The following SMARCC2 variants were observed in gnomAD, a reference collection of about 807,000 sequenced individuals.
The protein encoded by SMARCC2 is SWI/SNF related BAF chromatin remodeling complex subunit C2.
A neutral mutation model predicts 151.3 loss-of-function variants in SMARCC2; 15 were observed. The observed-to-expected ratio is 0.10, with a 90% CI of 0.07 to 0.15. SMARCC2 has a LOEUF of 0.15. SMARCC2 is among the 10% of genes least tolerant of loss of function. The probability of loss-of-function intolerance (pLI) is 1.00; values close to 1 mark genes in which losing one functional copy is unlikely to be tolerated. For synonymous variants in SMARCC2, 590 were observed against 609.5 expected (o/e 0.97, Z 0.47); for missense variants, 1,031 against 1,599.7 (o/e 0.64, Z 6.06).
At chr12:56,186,108 G>C (rs1338003090) in intron 3 of SMARCC2, 47 bp downstream of exon 3, 1 of 1,296,942 alleles carries the variant, frequency 7.7e-7, no homozygotes, top group Non-Finnish European at 1.1e-6. Context: ...CAAAAAGGGG[G>C]ATTTCCTCTA....
intron 15 of SMARCC2, among the ~76,000 whole-genome samples, chr12:56,177,190 C>T (rs897786568): frequency 2.6e-5 from 4 of 151,976 alleles, no homozygotes; most frequent in Admixed American, 1.3e-4. Context: ...GTGATCCGCC[C>T]GCCTCGGCCT....
At position 56,162,394 on chromosome 12, in the gene SMARCC2, A is replaced by G. The variant is rs1041868706; in HGVS notation, c.*1295T>C. 42 of 647,908 alleles carry G rather than the reference A, an allele frequency of 6.5e-5. No homozygotes were observed. The highest frequency in any genetic ancestry group is 2.6e-4 in the Middle Eastern group (1 of 3,788). 40.1% of individuals were successfully genotyped at this position (647,908 alleles called of 1,614,324 possible). On this transcript the variant is annotated 3_prime_UTR_variant, in exon 29 of 29. Coordinates refer to ENST00000550164, the MANE Select transcript of SMARCC2 (RefSeq NM_001330288.2). ...AGCAAATTAATTTATAAAAAAAAAA[A>G]AAAGAAAGAAAGAAAAAAAGAGAAA...
At chr12:56,170,573 A>G (rs1411661125) in intron 22 of SMARCC2, among the ~76,000 whole-genome samples, 1 of 151,568 alleles carries the variant, frequency 6.6e-6, no homozygotes, top group East Asian at 1.9e-4. Flanking sequence ...CTACAGGCGC[A>G]TGCCACCATG....
intron 26 of SMARCC2, among the ~76,000 whole-genome samples, chr12:56,167,335 C>T (rs557140316): frequency 6.6e-6 from 1 of 151,908 alleles, no homozygotes; most frequent in Non-Finnish European, 1.5e-5. Flanking sequence ...GCAACAAGAG[C>T]GAAACTCTGT....
Position 56,171,261 on chromosome 12 carries a change from C to A in SMARCC2, c.2347+10G>T. On this transcript the variant is annotated intron_variant, in intron 22 of 28. Transcript: ENST00000550164. This position sits in a 1 kb window ranked among gnomAD's most constrained non-coding sequence, Gnocchi z 4.2. ...AAAGGCAAGAAATCTGGGAACCTGC[C>A]TGGCCTTACCAATCCGCTCAGGCTC... 6.2e-7 allele frequency: 1 copy of A among 1,613,840 alleles called. No individual in the cohort carries two copies. The highest frequency in any genetic ancestry group is 8.5e-7 in the Non-Finnish European group (1 of 1,179,748).
chr12:56,189,297 G>C, intron 1 of SMARCC2, 54 bp downstream of exon 1: 2 of 1,170,832 alleles, frequency 1.7e-6, no homozygotes, highest in South Asian at 1.5e-5. Flanking sequence ...CTGCAGGGCC[G>C]CGGTCCCTTT....
intron 2 of SMARCC2, 119 bp downstream of exon 2, chr12:56,187,068 G>T: frequency 9.3e-7 from 1 of 1,080,306 alleles, no homozygotes; most frequent in Non-Finnish European, 1.3e-6. Flanking sequence ...AGGGATGGTG[G>T]AAAATAACCC....
chr12:56,188,088 G>A (rs899679128), intron 1 of SMARCC2, among the ~76,000 whole-genome samples: 3 of 152,162 alleles, frequency 2.0e-5, no homozygotes, highest in Non-Finnish European at 4.4e-5. Context: ...GCCTCTCAGT[G>A]AGAGGTGAAA....
At chr12:56,172,386 T>G (rs754008754) in intron 20 of SMARCC2, 42 bp downstream of exon 20, 16 of 1,516,984 alleles carry the variant, frequency 1.1e-5, no homozygotes, top group Non-Finnish European at 1.2e-5. Flanking sequence ...GGAGCCCACT[T>G]CTGTTTTCAG....
rs779057632 is a variant in SMARCC2, at chr12:56,173,790, C to T, written c.1556G>A (p.Arg519Gln). The T allele has an allele frequency of 2.5e-6, 4 of 1,613,954 alleles. No individual in the cohort carries two copies. Among genetic ancestry groups the T allele is most frequent in the Non-Finnish European group, 3.4e-6 (4 of 1,179,960 alleles). Residue 519 changes from arginine to glutamine, a missense_variant, in exon 17 of 29, where the codon CGA becomes CAA. Transcript: ENST00000550164. Reference protein sequence around the residue: ...LINYQVDAESRPTPMGPPPTS... With the variant: ...LINYQVDAESQPTPMGPPPTS... ...AGGCGGAGGCCCCATTGGGGTTGGTCGACTCTCAGCATCCACCTGGTAGTT... is the reference window on the plus strand; with the variant it reads ...AGGCGGAGGCCCCATTGGGGTTGGTTGACTCTCAGCATCCACCTGGTAGTT...
At chr12:56,181,295 T>C (rs1876151964) in intron 10 of SMARCC2, 187 bp downstream of exon 10, 1 of 656,534 alleles carries the variant, frequency 1.5e-6, no homozygotes, top group Non-Finnish European at 2.6e-6. Flanking sequence ...AATGTACTAG[T>C]GGGGCCAGAA....
chr12:56,163,067 T>A lies in SMARCC2; in HGVS notation c.*622A>T, dbSNP rs192967696. 9.9e-5 allele frequency: 15 copies of A among 151,074 alleles called. No individual in the cohort carries two copies. The East Asian group carries it at 1.2e-3, about 12-fold the overall frequency. 9.4% of individuals were successfully genotyped at this position (151,074 alleles called of 1,614,324 possible). ...CTGGGGTGGCCTAAAACAGCAACAA[T>A]GAGGAAGCCGCAGGAGGGATTATTA... On this transcript the variant is annotated 3_prime_UTR_variant, in exon 29 of 29. Transcript: ENST00000550164.
chr12:56,173,118 C>T, intron 17 of SMARCC2, 89 bp from the exon 18 acceptor site: 2 of 1,161,182 alleles, frequency 1.7e-6, no homozygotes, highest in South Asian at 2.5e-5. Flanking sequence ...GCTGGGCGGC[C>T]CACAAGCTCT....
Position 56,181,711 on chromosome 12 carries a change from G to T in SMARCC2, c.833C>A (p.Thr278Lys), listed in dbSNP as rs775888557. The change falls in exon 9 of 29, where the codon ACA becomes AAA. Residue 278 changes from threonine to lysine, a missense_variant. Transcript: ENST00000550164. ...RRKKISAKTL[T>K]DEVNSPDSDR... is the part of the protein sequence containing the mutation. The stretch of plus-strand genomic sequence containing the variant: ...AAGAACAGGATTTGTCACCTCATCT[G>T]TCAGTGTCTTGGCTGAAATCTTCTT... 6.2e-7 allele frequency: 1 copy of T among 1,614,210 alleles called. No homozygotes were observed. The highest frequency in any genetic ancestry group is 8.5e-7 in the Non-Finnish European group (1 of 1,180,030).
Position 56,189,355 on chromosome 12 carries a change from T to C in SMARCC2, c.107A>G (p.Lys36Arg), listed in dbSNP as rs756677347. Residue 36 changes from lysine (K) to arginine (R), a missense_variant, in exon 1 of 29, where the codon AAG becomes AGG. Lys to Arg is a conservative substitution (Grantham distance 26). This residue lies in a region of SMARCC2 where 50 missense variants were observed against 52.4 expected (regional missense o/e 0.95). Transcript: ENST00000550164. The stretch of plus-strand genomic sequence containing the variant: ...GGCCCGGCCCGGCCCGCGTACCTTC[T>C]TGTAGTTCTTGCCGAGCCACAGCCG... ...NVRLWLGKNY[K>R]KYIQAEPPTN... is the part of the protein sequence containing the mutation. The C allele has an allele frequency of 1.3e-6, 2 of 1,517,662 alleles. No individual in the cohort carries two copies. Among genetic ancestry groups the C allele is most frequent in the Admixed American group, 1.9e-5 (1 of 51,740 alleles). 94.0% of individuals were successfully genotyped at this position (1,517,662 alleles called of 1,614,324 possible).
chr12:56,178,193 C>A (rs1875409924), intron 14 of SMARCC2, 100 bp from the exon 15 acceptor site: 4 of 1,061,822 alleles, frequency 3.8e-6, no homozygotes, highest in Non-Finnish European at 5.5e-6. Flanking sequence ...GAAAAGAGCT[C>A]GAAATTGCTG....
At chr12:56,175,886 T>G (rs1874860699) in intron 15 of SMARCC2, among the ~76,000 whole-genome samples, 1 of 152,110 alleles carries the variant, frequency 6.6e-6, no homozygotes, top group Admixed American at 6.6e-5. Context: ...GAGATGGAGT[T>G]TCACTCTTGT....
chr12:56,168,313 T>C (rs1873224928), intron 25 of SMARCC2, 119 bp from the exon 26 acceptor site: 2 of 1,132,234 alleles, frequency 1.8e-6, no homozygotes, highest in Non-Finnish European at 2.5e-6. Flanking sequence ...TCACAACCCA[T>C]GGTGAAAGGG....
At chr12:56,174,909 G>A (rs1002743750) in intron 15 of SMARCC2, 145 bp from the exon 16 acceptor site, 1 of 608,012 alleles carries the variant, frequency 1.6e-6, no homozygotes, top group Non-Finnish European at 3.0e-6. Context: ...CATGCTGAGT[G>A]CCTGCTATGT....
Sources: gnomAD v4.1 joint callset for allele counts (sites outside exome capture counted in the v4.1 genomes callset) on GRCh38, gnomAD v4.1.1 for gene constraint, gnomAD v4.1.1 regional missense constraint, Gnocchi (gnomAD v3.1) non-coding constraint, MANE v1.5 for transcripts, NCBI Gene and HGNC (gene_info 2026-07-23, HGNC 2026-07-21) for gene names.